The following KIAA1549L variants were observed in gnomAD, a reference collection of about 807,000 sequenced individuals.
KIAA1549L encodes UPF0606 protein KIAA1549L.
In KIAA1549L, 88 loss-of-function variants were observed where a neutral mutation model predicts 160.7. The observed-to-expected ratio is 0.55, with a 90% CI of 0.46 to 0.65. KIAA1549L has a LOEUF of 0.65. KIAA1549L is among the 30% of genes least tolerant of loss of function. The probability of loss-of-function intolerance (pLI) is 0.00; values close to 1 mark genes in which losing one functional copy is unlikely to be tolerated. For missense variants in KIAA1549L, 2,258 were observed against 2,437.5 expected (o/e 0.93, Z 1.55); for synonymous variants, 950 against 976.7 (o/e 0.97, Z 0.51).
intron 1 of KIAA1549L, among the ~76,000 whole-genome samples, chr11:33,465,055 T>TC (rs1852025459): frequency 8.0e-6 from 1 of 125,198 alleles, no homozygotes; most frequent in Non-Finnish European, 1.7e-5. Context: ...TCTTTTTTTT[T>TC]TTTTTTTTTT....
At chr11:33,662,768 G>A (rs1463071207) in intron 20 of KIAA1549L, among the ~76,000 whole-genome samples, 1 of 152,128 alleles carries the variant, frequency 6.6e-6, no homozygotes, top group Non-Finnish European at 1.5e-5. Context: ...CACTTAAAAT[G>A]ATAATTTAGC....
At chr11:33,457,822 C>T (rs906727395) in intron 1 of KIAA1549L, among the ~76,000 whole-genome samples, 1 of 152,194 alleles carries the variant, frequency 6.6e-6, no homozygotes, top group Non-Finnish European at 1.5e-5. Context: ...TAGACCTTGA[C>T]AATAGGGTCC....
rs772899193 is a variant in KIAA1549L at position 33,656,155 on chromosome 11, G to C, written c.5858+46G>C. The C allele has an allele frequency of 5.5e-6, 8 of 1,466,178 alleles. No homozygotes were observed. In the African/African-American group the frequency reaches 1.1e-4, roughly 20 times the overall value. 90.8% of individuals were successfully genotyped at this position (1,466,178 alleles called of 1,614,324 possible). The stretch of plus-strand genomic sequence containing the variant: ...TTTTGTTTGGAATATTTGGAAAAGG[G>C]TCAGTCCTATGTACCCTGACCTGAC... On this transcript the variant is annotated intron_variant, in intron 18 of 20. Coordinates refer to ENST00000658780, the MANE Select transcript of KIAA1549L (RefSeq NM_012194.3).
At chr11:33,506,974 G>A (rs1853105986) in intron 1 of KIAA1549L, among the ~76,000 whole-genome samples, 1 of 152,142 alleles carries the variant, frequency 6.6e-6, no homozygotes, top group Admixed American at 6.5e-5. Context: ...CCAGGTTTGA[G>A]GCTCTTTGGC....
intron 4 of KIAA1549L, 100 bp from the exon 5 acceptor site, chr11:33,550,940 C>A: frequency 1.1e-6 from 1 of 922,386 alleles, no homozygotes; most frequent in Non-Finnish European, 1.8e-6. Flanking sequence ...TTCTATTCTC[C>A]AGTCTTGTTT....
intron 1 of KIAA1549L, among the ~76,000 whole-genome samples, chr11:33,409,001 AAGTC>A (rs1439425355): frequency 1.3e-5 from 2 of 152,006 alleles, no homozygotes; most frequent in Non-Finnish European, 2.9e-5. Context: ...ACTTGAAAAA[AAGTC>A]AGCAACTGCT....
chr11:33,515,660 G>T (rs1319302644), intron 1 of KIAA1549L, among the ~76,000 whole-genome samples: 2 of 152,182 alleles, frequency 1.3e-5, no homozygotes, highest in Admixed American at 6.5e-5. Flanking sequence ...TGCAGCGTGG[G>T]ATACAAGTCT....
chr11:33,643,770 C>T (rs1166644028), intron 16 of KIAA1549L, among the ~76,000 whole-genome samples: 1 of 152,186 alleles, frequency 6.6e-6, no homozygotes, highest in African/African-American at 2.4e-5. Flanking sequence ...GTTTAATGAT[C>T]TCCTAAAGTC....
At chr11:33,566,955 G>A (rs937500204) in intron 8 of KIAA1549L, among the ~76,000 whole-genome samples, 12 of 152,164 alleles carry the variant, frequency 7.9e-5, no homozygotes, top group Non-Finnish European at 1.3e-4. Flanking sequence ...AAACATGACC[G>A]TGTTTGAAGG....
chr11:33,428,380 T>G (rs964883541), intron 1 of KIAA1549L, among the ~76,000 whole-genome samples: 9 of 152,216 alleles, frequency 5.9e-5, no homozygotes, highest in Non-Finnish European at 1.2e-4. Context: ...TGTATACATG[T>G]GCCATTTGGT....
At position 33,609,822 on chromosome 11, in the gene KIAA1549L, A is replaced by G. The variant is rs1229279173; in HGVS notation, c.5135A>G (p.Lys1712Arg). 1 of 1,613,940 alleles carries G rather than the reference A, an allele frequency of 6.2e-7. No individual in the cohort carries two copies. Among genetic ancestry groups the G allele is most frequent in the South Asian group, 1.1e-5 (1 of 91,064 alleles). The change falls in exon 15 of 21, where the codon AAG becomes AGG. Residue 1712 changes from lysine (K) to arginine (R), a missense_variant. This residue lies in a region of KIAA1549L where 1,359 missense variants were observed against 1,546.6 expected (regional missense o/e 0.88). Transcript: ENST00000658780. ...RNKLRLKAKR[K>R]GYYDFPAVET... ...AAGCTGCGCCTCAAAGCCAAGAGGA[A>G]GGGATATTACGACTTCCCTGCAGTG... is the stretch of plus-strand genomic sequence containing the variant.
chr11:33,412,565 A>C (rs929268058), intron 1 of KIAA1549L, among the ~76,000 whole-genome samples: 2 of 152,172 alleles, frequency 1.3e-5, no homozygotes. Context: ...CAGTGATAGC[A>C]TAGTAGAGTC....
At chr11:33,451,642 A>G (rs1851723512) in intron 1 of KIAA1549L, among the ~76,000 whole-genome samples, 1 of 152,248 alleles carries the variant, frequency 6.6e-6, no homozygotes, top group Non-Finnish European at 1.5e-5. Flanking sequence ...AGAAAACAGA[A>G]GTGTCTCACT....
intron 1 of KIAA1549L, among the ~76,000 whole-genome samples, chr11:33,522,835 G>A (rs1473130836): frequency 6.6e-6 from 1 of 151,738 alleles, no homozygotes; most frequent in Non-Finnish European, 1.5e-5. Flanking sequence ...GGAGTTCAAG[G>A]CTGCAATGAG....
At chr11:33,516,575 C>A (rs1211598717) in intron 1 of KIAA1549L, among the ~76,000 whole-genome samples, 2 of 152,236 alleles carry the variant, frequency 1.3e-5, no homozygotes, top group East Asian at 1.9e-4. Context: ...TTACTCCTAT[C>A]TTCCTTACAG....
chr11:33,584,200 A>G (rs1272995006), intron 11 of KIAA1549L, among the ~76,000 whole-genome samples: 1 of 152,220 alleles, frequency 6.6e-6, no homozygotes, highest in Non-Finnish European at 1.5e-5. Context: ...AGTTGTGAGA[A>G]ATAAACTTCT....
chr11:33,547,064 A>G (rs753800319), intron 3 of KIAA1549L, among the ~76,000 whole-genome samples: 1 of 152,276 alleles, frequency 6.6e-6, no homozygotes, highest in Non-Finnish European at 1.5e-5. Context: ...GAACTGCTGT[A>G]TACTGAAATA....
chr11:33,443,155 G>C (rs772748011), intron 1 of KIAA1549L, among the ~76,000 whole-genome samples: 5 of 151,774 alleles, frequency 3.3e-5, no homozygotes, highest in Non-Finnish European at 2.9e-5. Flanking sequence ...CTTTCATTTA[G>C]AGTGATTCGT....
intron 1 of KIAA1549L, among the ~76,000 whole-genome samples, chr11:33,514,190 T>G (rs1853289200): frequency 6.6e-6 from 1 of 152,216 alleles, no homozygotes; most frequent in African/African-American, 2.4e-5. Context: ...CAGAGGCTTA[T>G]CTCATTGAAG....
Sources: allele counts gnomAD v4.1 joint callset (sites outside exome capture counted in the v4.1 genomes callset), GRCh38; gene constraint gnomAD v4.1.1; regional missense constraint gnomAD v4.1.1; transcripts MANE v1.5; gene names NCBI Gene and HGNC (gene_info 2026-07-23, HGNC 2026-07-21).